The following SRGAP3 variants were observed in gnomAD, a reference collection of about 807,000 sequenced individuals.
SRGAP3 encodes SLIT-ROBO Rho GTPase activating protein 3, also known as SLIT-ROBO Rho GTPase-activating protein 3.
Under a neutral mutation model 121.1 loss-of-function variants are expected in SRGAP3, and 39 were observed. That is an observed-to-expected ratio of 0.32 (90% CI 0.25 to 0.42). The LOEUF is 0.42. SRGAP3 is among the 10% of genes least tolerant of loss of function. The pLI, the probability that SRGAP3 is intolerant of heterozygous loss-of-function variation, is 1.00. For synonymous variants in SRGAP3, 601 were observed against 570.0 expected (o/e 1.05, Z -0.77); for missense variants, 1,213 against 1,470.6 (o/e 0.82, Z 2.86).
chr3:9,111,787 G>T (rs1409406449), intron 2 of SRGAP3, among the ~76,000 whole-genome samples: 1 of 152,176 alleles, frequency 6.6e-6, no homozygotes, highest in East Asian at 1.9e-4. Flanking sequence ...ACATCAGAAT[G>T]AATGAGGGCC....
At chr3:9,294,664 C>T (rs1239789268) in intron 3 of SRGAP3, among the ~76,000 whole-genome samples, 8 of 146,738 alleles carry the variant, frequency 5.5e-5, no homozygotes, top group South Asian at 2.2e-4. Flanking sequence ...GAACTCACTG[C>T]ATGTTGCATT....
At chr3:9,345,600 A>G (rs1320972178) in intron 1 of SRGAP3, among the ~76,000 whole-genome samples, 2 of 151,988 alleles carry the variant, frequency 1.3e-5, no homozygotes, top group African/African-American at 2.4e-5. Context: ...CATAGCCAAC[A>G]TGGTGAAACC....
At chr3:9,350,307 A>G (rs1478126522) in intron 1 of SRGAP3, among the ~76,000 whole-genome samples, 1 of 152,200 alleles carries the variant, frequency 6.6e-6, no homozygotes, top group Admixed American at 6.5e-5. Context: ...TGGAGCTTAC[A>G]TTTCAGTAGG....
At chr3:9,212,072 C>CTGTATA (rs377447042) in intron 1 of SRGAP3, among the ~76,000 whole-genome samples, 71,650 of 151,796 alleles carry the variant, frequency 0.47, 17,007 homozygotes, top group East Asian at 0.56. Context: ...ATATAGAAAA[C>CTGTATA]TAGGTATACA....
intron 9 of SRGAP3, among the ~76,000 whole-genome samples, chr3:9,051,474 A>G (rs1199551288): frequency 6.6e-6 from 1 of 152,166 alleles, no homozygotes; most frequent in African/African-American, 2.4e-5. Flanking sequence ...TGTTGACTAA[A>G]ACCATGAATT....
intron 1 of SRGAP3, among the ~76,000 whole-genome samples, chr3:9,141,602 G>T (rs1051427156): frequency 1.3e-4 from 16 of 123,712 alleles, no homozygotes; most frequent in Non-Finnish European, 2.7e-4. Flanking sequence ...GTGTGTGTGT[G>T]TTCTTTTCTT....
intron 3 of SRGAP3, among the ~76,000 whole-genome samples, chr3:9,096,825 T>C (rs1185619228): frequency 3.4e-5 from 5 of 148,520 alleles, no homozygotes. Context: ...CCAATCTCAT[T>C]CTCATTAAAT....
intron 3 of SRGAP3, among the ~76,000 whole-genome samples, chr3:9,260,437 G>T (rs900434563): frequency 5.3e-5 from 8 of 152,154 alleles, no homozygotes; most frequent in African/African-American, 1.9e-4. Context: ...CTCTAAAGTC[G>T]ACCTGCGATG....
chr3:9,011,113 T>C (rs1296570232), intron 17 of SRGAP3, among the ~76,000 whole-genome samples: 5 of 152,068 alleles, frequency 3.3e-5, no homozygotes, highest in Admixed American at 6.6e-5. Context: ...GATGCAATGA[T>C]AGATAAGGCG....
chr3:9,181,845 T>A (rs903805651), intron 1 of SRGAP3, among the ~76,000 whole-genome samples: 5 of 152,156 alleles, frequency 3.3e-5, no homozygotes, highest in African/African-American at 1.2e-4. Flanking sequence ...GGAGTCCTCA[T>A]CCCAATAACT....
chr3:9,116,263 G>A (rs940104536), intron 2 of SRGAP3, among the ~76,000 whole-genome samples: 2 of 152,038 alleles, frequency 1.3e-5, no homozygotes, highest in Non-Finnish European at 2.9e-5. Context: ...TGCTATCCTC[G>A]GACATCATTT....
intron 1 of SRGAP3, chr3:9,349,115 A>G (rs2029922832): frequency 1.2e-6 from 1 of 841,834 alleles, no homozygotes; most frequent in African/African-American, 1.7e-5. Context: ...CTTGAAACCC[A>G]TACAGTTCCT....
intron 14 of SRGAP3, among the ~76,000 whole-genome samples, chr3:9,018,286 T>G (rs1326632843): frequency 3.3e-5 from 5 of 152,252 alleles, no homozygotes; most frequent in Non-Finnish European, 5.9e-5. Context: ...TCCGTATCTT[T>G]GCTATTGTGA....
chr3:9,167,040 C>T (rs574100715), intron 1 of SRGAP3, among the ~76,000 whole-genome samples: 1 of 152,308 alleles, frequency 6.6e-6, no homozygotes, highest in African/African-American at 2.4e-5. Flanking sequence ...CTTCAGCCTC[C>T]TGGAGACCCC....
At chr3:9,113,520 G>A (rs146349451) in intron 2 of SRGAP3, among the ~76,000 whole-genome samples, 6 of 152,266 alleles carry the variant, frequency 3.9e-5, no homozygotes, top group Non-Finnish European at 7.4e-5. Context: ...TAAAGACCCT[G>A]TTTCCAAATA....
chr3:8,999,958 A>G (rs1942653162), intron 18 of SRGAP3, among the ~76,000 whole-genome samples: 1 of 152,238 alleles, frequency 6.6e-6, no homozygotes, highest in African/African-American at 2.4e-5. Context: ...TCTATTCAAG[A>G]AAATCTATAA....
intron 3 of SRGAP3, among the ~76,000 whole-genome samples, chr3:9,086,578 T>A (rs1947486585): frequency 6.7e-6 from 1 of 149,526 alleles, no homozygotes; most frequent in South Asian, 2.1e-4. Flanking sequence ...GGTGTGTATA[T>A]GTGTGTGTGT....
chr3:9,339,207 G>A (rs1418994807), intron 1 of SRGAP3, among the ~76,000 whole-genome samples: 1 of 152,122 alleles, frequency 6.6e-6, no homozygotes, highest in Non-Finnish European at 1.5e-5. Context: ...ACAAAAATGT[G>A]ATAAAAAATA....
intron 2 of SRGAP3, among the ~76,000 whole-genome samples, chr3:9,110,375 G>A (rs1443617496): frequency 6.6e-6 from 1 of 152,162 alleles, no homozygotes; most frequent in Admixed American, 6.5e-5. Context: ...GGAGCTATCT[G>A]GGCTGGAGAG....
Sources: gnomAD v4.1 joint callset for allele counts (sites outside exome capture counted in the v4.1 genomes callset) on GRCh38, gnomAD v4.1.1 for gene constraint, MANE v1.5 for transcripts, NCBI Gene and HGNC (gene_info 2026-07-23, HGNC 2026-07-21) for gene names.